Variants in RTEL1 observed in about 807,000 individuals in gnomAD.
The protein encoded by RTEL1 is regulator of telomere length.
RTEL1 carries 86 observed loss-of-function variants against 162.2 expected under a neutral mutation model. That is an observed-to-expected ratio of 0.53 (90% CI 0.45 to 0.63). RTEL1 has a LOEUF of 0.63. RTEL1 is among the 30% of genes least tolerant of loss of function. RTEL1 has a pLI of 0.00. For synonymous variants in RTEL1, 958 were observed against 717.9 expected (o/e 1.33, Z -5.35); for missense variants, 1,941 against 1,750.2 (o/e 1.11, Z -1.95).
rs2145476254 is a variant in RTEL1, at chr20:63,694,968, C to T, written c.3337C>T (p.Leu1113=). Residue 1113 remains leucine (L), a synonymous_variant, in exon 32 of 35, where the codon CTG becomes TTG. Transcript: ENST00000360203. ...TTAKPEDFPL[L]HRFSMFVRPH... Reference sequence around the variant, plus strand: ...TGCAAAGCCAGAGGACTTCCCCCTGCTGCACAGCAAGTGGCCCTGGCGTGG... The same window carrying T: ...TGCAAAGCCAGAGGACTTCCCCCTGTTGCACAGCAAGTGGCCCTGGCGTGG... 3.1e-6 allele frequency: 5 copies of T among 1,612,366 alleles called. No homozygotes were observed. Among genetic ancestry groups the T allele is most frequent in the Non-Finnish European group, 4.2e-6 (5 of 1,179,768 alleles).
In RTEL1 at chr20:63,662,647, C is replaced by T. The variant is rs200601251; in HGVS notation, c.477+20C>T. Reference sequence around the variant, plus strand: ...CTACAGGTAGGCTCCTGGGCTCCCGCTCCGGCTCAGTGTCCGACAGGCGAG... The same window carrying T: ...CTACAGGTAGGCTCCTGGGCTCCCGTTCCGGCTCAGTGTCCGACAGGCGAG... On this transcript the variant is annotated intron_variant, in intron 5 of 34. Coordinates refer to ENST00000360203, the MANE Select transcript of RTEL1 (RefSeq NM_001283009.2). 1.2e-6 allele frequency: 2 copies of T among 1,613,240 alleles called. No homozygotes were observed. The highest frequency in any genetic ancestry group is 1.1e-5 in the South Asian group (1 of 91,010).
At position 63,689,763 on chromosome 20, in the gene RTEL1, A is replaced by G; in HGVS notation, c.2039A>G (p.Gln680Arg). The G allele has an allele frequency of 1.2e-6, 2 of 1,612,170 alleles. No individual in the cohort carries two copies. Among genetic ancestry groups the G allele is most frequent in the Non-Finnish European group, 8.5e-7 (1 of 1,179,690 alleles). ...GGAGGQFLSGQEWYRQQASRA... is the reference protein window; with the variant it reads ...GGAGGQFLSGREWYRQQASRA... ...CTCGCCCCACAGTTCCTCTCTGGGC[A>G]GGAGTGGTACCGGCAGCAGGCGTCC... The change falls in exon 24 of 35, where the codon CAG becomes CGG. Residue 680 changes from glutamine to arginine, a missense_variant. Physicochemically the swap from Gln to Arg is conservative, Grantham distance 43. Transcript: ENST00000360203.
rs1479553590 is a variant in RTEL1, at chr20:63,689,129, C to G, written c.1875C>G (p.Gly625=). 5 of 1,608,780 alleles carry G rather than the reference C, an allele frequency of 3.1e-6. No individual in the cohort carries two copies. Among genetic ancestry groups the G allele is most frequent in the Middle Eastern group, 1.7e-4 (1 of 6,046 alleles). The change falls in exon 22 of 35, where the codon GGC becomes GGG. Residue 625 remains glycine (G), a synonymous_variant. Coordinates refer to ENST00000360203, the MANE Select transcript of RTEL1 (RefSeq NM_001283009.2). The stretch of plus-strand genomic sequence containing the variant: ...CCACCTTCCTGGCGGTCTGCCGGGG[C>G]AAGGTGAGCTCTCCAGGGCCCTCTG... ...TGATFLAVCR[G]KASEGLDFSD...
chr20:63,675,580 C>CA (rs2090332664), intron 10 of RTEL1, among the ~76,000 whole-genome samples: 1 of 152,140 alleles, frequency 6.6e-6, no homozygotes, highest in South Asian at 2.1e-4. Context: ...GTGGTACAAT[C>CA]AAAGTTCCCT....
At chr20:63,689,339 G>A (rs2090670377) in intron 22 of RTEL1, among the ~76,000 whole-genome samples, 163 bp from the exon 23 acceptor site, 1 of 152,208 alleles carries the variant, frequency 6.6e-6, no homozygotes, top group Admixed American at 6.5e-5. Context: ...GTTGGAGGTG[G>A]CGTCTGGGAG....
intron 14 of RTEL1, among the ~76,000 whole-genome samples, chr20:63,684,902 C>T (rs1217185842): frequency 2.0e-5 from 3 of 149,530 alleles, no homozygotes; most frequent in African/African-American, 7.4e-5. Context: ...TTTTTTGAGT[C>T]AGGGTCTCTC....
intron 6 of RTEL1, 49 bp downstream of exon 6, chr20:63,662,938 T>C (rs1377047883): frequency 1.3e-6 from 2 of 1,561,196 alleles, no homozygotes; most frequent in Non-Finnish European, 1.8e-6. Flanking sequence ...GTGTGCAGCC[T>C]CTCAGGGTGG....
At chr20:63,671,727 G>A (rs189824995) in intron 8 of RTEL1, among the ~76,000 whole-genome samples, 2,004 of 150,576 alleles carry the variant, frequency 0.013, 20 homozygotes, top group Non-Finnish European at 0.018. Flanking sequence ...TCCTGACCTC[G>A]TGATCCGCCT....
rs948594061 is a variant in RTEL1, at chr20:63,672,625, A to G, written c.765+4A>G. The G allele has an allele frequency of 2.5e-6, 4 of 1,578,672 alleles. No individual in the cohort carries two copies. The Admixed American group carries it at 7.2e-5, about 28-fold the overall frequency. On this transcript the variant is annotated splice_donor_region_variant and intron_variant, in intron 9 of 34. Transcript: ENST00000360203. ...CTTTGACGAAGCTCACAACGTGGTG[A>G]GTCTCCGCTGGCCTCCTAAACACCT... is the stretch of plus-strand genomic sequence containing the variant.
chr20:63,693,420 GCCTCCA>G (rs1205447152), intron 30 of RTEL1, 137 bp downstream of exon 30: 8 of 981,364 alleles, frequency 8.2e-6, no homozygotes, highest in Admixed American at 4.9e-5. Context: ...AGTGATGGGG[GCCTCCA>G]CCTCCACCAC....
intron 16 of RTEL1, chr20:63,687,414 C>A (rs962428112): frequency 9.1e-6 from 5 of 552,060 alleles, no homozygotes; most frequent in Admixed American, 3.5e-5. Flanking sequence ...GGGTCTGCCT[C>A]CTACTCCCAG....
rs2145449075 is a variant in RTEL1 at position 63,693,219 on chromosome 20, T to C, written c.2928T>C (p.Cys976=). ...EVCIQLTGRG[C]GYRPEHSIPR... ...GTATCCAGCTGACAGGACGAGGCTG[T>C]GGCTATCGGCCTGAGCACAGCATTC... The change falls in exon 30 of 35, where the codon TGT becomes TGC. Residue 976 remains cysteine (C), a synonymous_variant. Transcript: ENST00000360203. 1 of 1,612,114 alleles carries C rather than the reference T, an allele frequency of 6.2e-7. No homozygotes were observed. Among genetic ancestry groups the C allele is most frequent in the Non-Finnish European group, 8.5e-7 (1 of 1,179,526 alleles).
intron 9 of RTEL1, among the ~76,000 whole-genome samples, chr20:63,673,480 C>T (rs1457604720): frequency 1.3e-5 from 2 of 152,164 alleles, no homozygotes; most frequent in Non-Finnish European, 2.9e-5. Context: ...CTTCTGTCGT[C>T]CAGGCTGGAG....
In RTEL1 at chr20:63,662,554, T is replaced by C; in HGVS notation, c.404T>C (p.Val135Ala). ...ELRNTSYRPK[V>A]CVLGSREQLC... ...GTGCTCTCTCCCACCAGGCCTAAGGTGTGTGTGCTGGGCTCCCGGGAGCAG... is the reference window on the plus strand; with the variant it reads ...GTGCTCTCTCCCACCAGGCCTAAGGCGTGTGTGCTGGGCTCCCGGGAGCAG... The change falls in exon 5 of 35, where the codon GTG (valine) becomes GCG (alanine). Residue 135 changes from valine (V) to alanine (A), a missense_variant. Physicochemically the swap from Val to Ala is moderately conservative, Grantham distance 64. Transcript: ENST00000360203. 6.2e-7 allele frequency: 1 copy of C among 1,613,602 alleles called. No homozygotes were observed. Among genetic ancestry groups the C allele is most frequent in the Non-Finnish European group, 8.5e-7 (1 of 1,179,910 alleles).
At position 63,661,423 on chromosome 20, in the gene RTEL1, G is replaced by A. The variant is rs116624637; in HGVS notation, c.228G>A (p.Ala76=). 8.7e-6 allele frequency: 14 copies of A among 1,613,852 alleles called. No individual in the cohort carries two copies. The highest frequency in any genetic ancestry group is 1.1e-5 in the Non-Finnish European group (13 of 1,180,032). ...CTGCCCGCAAGATTGCCGAGAGGGC[G>A]CAAGGAGAGCTTTTCCCGGATCGGG... The part of the protein sequence containing the change: ...GISARKIAER[A]QGELFPDRAL... Residue 76 remains alanine, a synonymous_variant, in exon 3 of 35, where the codon GCG becomes GCA. Coordinates refer to ENST00000360203, the MANE Select transcript of RTEL1 (RefSeq NM_001283009.2). This position sits in a 1 kb window ranked among gnomAD's most constrained non-coding sequence, Gnocchi z 5.1.
rs755986498 is a variant in RTEL1, at chr20:63,685,782, C to T, written c.1267-9C>T. On this transcript the variant is annotated splice_polypyrimidine_tract_variant and intron_variant, in intron 15 of 34. Coordinates refer to ENST00000360203, the MANE Select transcript of RTEL1 (RefSeq NM_001283009.2). The stretch of plus-strand genomic sequence containing the variant: ...GGGGCCTCCACACTCCTGGTCCTGT[C>T]CCCTCCAGGTGCACATCCATCCTGA... 66 of 1,610,944 alleles carry T rather than the reference C, an allele frequency of 4.1e-5. No individual in the cohort carries two copies. Among genetic ancestry groups the T allele is most frequent in the South Asian group, 1.7e-4 (15 of 90,644 alleles).
rs201882552 is a variant in RTEL1 at position 63,662,643 on chromosome 20, C to T, written c.477+16C>T. 7.4e-6 allele frequency: 12 copies of T among 1,613,264 alleles called. No homozygotes were observed. The highest frequency in any genetic ancestry group is 1.0e-5 in the Non-Finnish European group (12 of 1,179,634). On this transcript the variant is annotated intron_variant, in intron 5 of 34. Transcript: ENST00000360203. ...CCATCTACAGGTAGGCTCCTGGGCT[C>T]CCGCTCCGGCTCAGTGTCCGACAGG...
intron 7 of RTEL1, among the ~76,000 whole-genome samples, chr20:63,666,961 T>G (rs2090143872): frequency 1.3e-5 from 2 of 149,326 alleles, no homozygotes; most frequent in Non-Finnish European, 1.5e-5. Flanking sequence ...TGCCTCAGCC[T>G]CCCGAGTAGC....
intron 21 of RTEL1, chr20:63,688,813 C>T (rs1292075948): frequency 6.3e-6 from 4 of 634,028 alleles, no homozygotes; most frequent in South Asian, 1.9e-5. Context: ...TAACAGTGGC[C>T]CTCCTGTCTG....
Sources: allele counts gnomAD v4.1 joint callset (sites outside exome capture counted in the v4.1 genomes callset), GRCh38; gene constraint gnomAD v4.1.1; non-coding constraint Gnocchi (gnomAD v3.1); transcripts MANE v1.5; gene names NCBI Gene and HGNC (gene_info 2026-07-23, HGNC 2026-07-21).